The following SLC25A53 variants were observed in gnomAD, a reference collection of about 807,000 sequenced individuals.
SLC25A53 encodes mitochondrial carrier triple repeat protein 6.
A neutral mutation model predicts 15.0 loss-of-function variants in SLC25A53; 5 were observed. The observed-to-expected ratio is 0.33, with a 90% CI of 0.17 to 0.70. The LOEUF (loss-of-function observed/expected upper bound fraction) is 0.70. Among genes scored for constraint, SLC25A53 ranks in the 30% least tolerant of loss-of-function variants. SLC25A53 has a pLI of 0.67. For synonymous variants in SLC25A53, 95 were observed against 100.0 expected, an observed-to-expected ratio of 0.95 and a Z score of 0.30; for missense variants, 216 against 241.6, an observed-to-expected ratio of 0.89 and a Z score of 0.70.
At chrX:104,111,102 T>C (rs2075339839) in intron 1 of SLC25A53, among the ~76,000 whole-genome samples, 1 of 112,401 alleles carries the variant, frequency 8.9e-6, no homozygotes, top group African/African-American at 3.2e-5. Context: ...GGCAGGCCCA[T>C]TTACTTATAA....
At chrX:104,153,620 C>T (rs2075492145) in intron 1 of SLC25A53, among the ~76,000 whole-genome samples, 1 of 111,635 alleles carries the variant, frequency 9.0e-6, no homozygotes, top group East Asian at 2.8e-4. Context: ...CTTCATTTTT[C>T]GTTGTTGATA....
intron 1 of SLC25A53, among the ~76,000 whole-genome samples, chrX:104,153,446 C>T (rs1419179889): frequency 1.8e-5 from 2 of 111,441 alleles, no homozygotes; most frequent in East Asian, 5.6e-4. Flanking sequence ...TGCCACTATG[C>T]AGTGAATAAC....
intron 1 of SLC25A53, chrX:104,114,176 C>A: frequency 8.3e-7 from 1 of 1,209,833 alleles, no homozygotes; most frequent in African/African-American, 1.7e-5. Context: ...CCGCCTTGGG[C>A]CCATTCCATG....
intron 1 of SLC25A53, chrX:104,112,057 T>A (rs1489521799): frequency 9.0e-6 from 1 of 111,698 alleles, no homozygotes; most frequent in East Asian, 2.8e-4. Context: ...TCCTTTCCTG[T>A]TAAATGGGCA....
intron 1 of SLC25A53, among the ~76,000 whole-genome samples, chrX:104,138,233 G>A (rs1454931652): frequency 1.8e-5 from 2 of 109,176 alleles, no homozygotes; most frequent in African/African-American, 6.7e-5. Flanking sequence ...ACAGGGAGAC[G>A]GCGTCTCTAC....
At chrX:104,134,818 C>T (rs191657000) in intron 1 of SLC25A53, among the ~76,000 whole-genome samples, 26 of 111,612 alleles carry the variant, frequency 2.3e-4, no homozygotes, top group African/African-American at 8.5e-4. Context: ...TCAGCCTGAC[C>T]TTTCTGAAAC....
chrX:104,152,234 C>A (rs1484863816), intron 1 of SLC25A53, among the ~76,000 whole-genome samples: 2 of 79,441 alleles, frequency 2.5e-5, no homozygotes, highest in Non-Finnish European at 4.8e-5. Context: ...CCCCTCCCCC[C>A]ACCCCATGAC....
intron 1 of SLC25A53, among the ~76,000 whole-genome samples, chrX:104,110,071 G>A (rs2075332026): frequency 9.0e-6 from 1 of 111,400 alleles, no homozygotes; most frequent in South Asian, 3.8e-4. Context: ...CCCAACCCTG[G>A]CACCTTTACA....
At chrX:104,125,291 T>C (rs1232935727) in intron 1 of SLC25A53, among the ~76,000 whole-genome samples, 3 of 111,655 alleles carry the variant, frequency 2.7e-5, no homozygotes, top group African/African-American at 6.5e-5. Context: ...AGTTGGGTCA[T>C]AGCAGGTACG....
At chrX:104,134,653 G>C (rs1602500193) in intron 1 of SLC25A53, among the ~76,000 whole-genome samples, 1 of 111,510 alleles carries the variant, frequency 9.0e-6, no homozygotes, top group Admixed American at 9.5e-5. Context: ...TAAGCACTTA[G>C]AACAGTGCTC....
chrX:104,151,376 T>C (rs115062397), intron 1 of SLC25A53, among the ~76,000 whole-genome samples: 4,320 of 111,547 alleles, frequency 0.039, 177 homozygotes, highest in African/African-American at 0.13. Flanking sequence ...CTCCTCCTAG[T>C]GTGTTCTTCA....
At chrX:104,147,495 C>T (rs1290285312) in intron 1 of SLC25A53, among the ~76,000 whole-genome samples, 1 of 107,511 alleles carries the variant, frequency 9.3e-6, no homozygotes, top group Non-Finnish European at 1.9e-5. Flanking sequence ...AAAGAAACTA[C>T]CATCAGAGTG....
chrX:104,149,502 C>G (rs1465867291), intron 1 of SLC25A53, among the ~76,000 whole-genome samples: 4 of 112,288 alleles, frequency 3.6e-5, no homozygotes, highest in Non-Finnish European at 5.6e-5. Context: ...ATCAGAGGAC[C>G]TATAGGTGGC....
rs1197005889 is a variant in SLC25A53 at position 104,102,104 on chromosome X, C to T, written c.*2230G>A. 1 of 111,947 alleles carries T rather than the reference C, an allele frequency of 8.9e-6. No individual in the cohort carries two copies. Among genetic ancestry groups the T allele is most frequent in the East Asian group, 2.8e-4 (1 of 3,577 alleles). The allele number at this position is 111,947 out of a possible 1,213,427, so 9.2% of individuals were successfully genotyped here. On this transcript the variant is annotated 3_prime_UTR_variant, in exon 2 of 2. Coordinates refer to ENST00000594199, the MANE Select transcript of SLC25A53 (RefSeq NM_001012755.5). ...AAGCTCATCTTCAGCTCTCCTGGAC[C>T]AGCCATTTTCTGCCAACCTTGGTGG...
intron 1 of SLC25A53, among the ~76,000 whole-genome samples, chrX:104,147,346 A>C (rs1407248027): frequency 9.0e-6 from 1 of 111,367 alleles, no homozygotes; most frequent in Non-Finnish European, 1.9e-5. Context: ...AAACCATAAA[A>C]ACCCTAGAAA....
At chrX:104,113,063 G>T (rs2075357503) in intron 1 of SLC25A53, 2 of 108,647 alleles carry the variant, frequency 1.8e-5, no homozygotes, top group Non-Finnish European at 3.8e-5. Flanking sequence ...GGGTGTGTTC[G>T]GGGAGGTGGC....
At chrX:104,155,581 T>G (rs2075497990) in intron 1 of SLC25A53, among the ~76,000 whole-genome samples, 1 of 111,472 alleles carries the variant, frequency 9.0e-6, no homozygotes, top group Non-Finnish European at 1.9e-5. Flanking sequence ...GGATTTCTGG[T>G]GGGTGCACAA....
At chrX:104,138,994 G>T (rs1046865150) in intron 1 of SLC25A53, among the ~76,000 whole-genome samples, 1 of 112,210 alleles carries the variant, frequency 8.9e-6, no homozygotes, top group African/African-American at 3.2e-5. Flanking sequence ...CTTGGGAAAT[G>T]CAACATTTGG....
At chrX:104,130,489 C>T (rs781907230) in intron 1 of SLC25A53, 1 of 111,341 alleles carries the variant, frequency 9.0e-6, no homozygotes, top group East Asian at 2.8e-4. Flanking sequence ...TACTGTCCAA[C>T]TAACCTTCAT....
Sources: allele counts gnomAD v4.1 joint callset (sites outside exome capture counted in the v4.1 genomes callset), GRCh38; gene constraint gnomAD v4.1.1; transcripts MANE v1.5; gene names NCBI Gene and HGNC (gene_info 2026-07-23, HGNC 2026-07-21).